Variants in ASNS observed in about 807,000 individuals in gnomAD.
The protein encoded by ASNS is asparagine synthetase [glutamine-hydrolyzing].
ASNS carries 37 observed loss-of-function variants against 62.6 expected under a neutral mutation model. The ratio of observed to expected loss-of-function variants is 0.59; its 90% CI spans 0.45 to 0.78. The LOEUF is 0.78. Ranked by LOEUF, ASNS falls within the 30% of genes least tolerant of loss-of-function variation. The pLI, the probability that ASNS is intolerant of heterozygous loss-of-function variation, is 0.00. For synonymous variants in ASNS, 207 were observed against 237.9 expected, an observed-to-expected ratio of 0.87 and a Z score of 1.19; for missense variants, 520 against 682.4, an observed-to-expected ratio of 0.76 and a Z score of 2.65.
the ASNS span, among the ~76,000 whole-genome samples, chr7:97,896,481 C>A: frequency 2.7e-5 from 4 of 147,496 alleles, no homozygotes; most frequent in East Asian, 8.0e-4. Context: ...GTAGTCCCAG[C>A]AGCTACTCAG....
upstream of ASNS, among the ~76,000 whole-genome samples, chr7:97,876,761 T>C (rs1056415841): frequency 3.9e-5 from 6 of 152,276 alleles, no homozygotes; most frequent in Non-Finnish European, 8.8e-5. Flanking sequence ...GGGCAGTTAC[T>C]ATATTTTGTG....
the ASNS span, among the ~76,000 whole-genome samples, chr7:97,918,253 GC>G: frequency 6.6e-6 from 1 of 152,194 alleles, no homozygotes; most frequent in African/African-American, 2.4e-5. Context: ...CCCTTGGGGA[GC>G]CGGATGACTG....
At chr7:97,890,630 C>T in the ASNS span, among the ~76,000 whole-genome samples, 1 of 152,134 alleles carries the variant, frequency 6.6e-6, no homozygotes, top group Non-Finnish European at 1.5e-5. Flanking sequence ...ATCTGCAATT[C>T]CAGAGACTCA....
intron 6 of ASNS, 67 bp from the exon 7 acceptor site, chr7:97,858,472 G>T: frequency 6.4e-7 from 1 of 1,563,654 alleles, no homozygotes; most frequent in Non-Finnish European, 8.7e-7. Context: ...GACAGAAGAT[G>T]TATATTCCTG....
At chr7:97,867,578 G>C (rs535176580) in intron 3 of ASNS, among the ~76,000 whole-genome samples, 1 of 152,250 alleles carries the variant, frequency 6.6e-6, no homozygotes, top group South Asian at 2.1e-4. Context: ...GGAAAGCCAA[G>C]CTGATAATGC....
chr7:97,905,076 T>C, the ASNS span, among the ~76,000 whole-genome samples: 4 of 152,178 alleles, frequency 2.6e-5, no homozygotes, highest in Non-Finnish European at 5.9e-5. Context: ...ACAGTGGCTC[T>C]TTATAGCTTG....
chr7:97,888,597 T>C, the ASNS span, among the ~76,000 whole-genome samples: 7 of 152,218 alleles, frequency 4.6e-5, no homozygotes, highest in African/African-American at 1.4e-4. Flanking sequence ...TGGAAAAAGT[T>C]TGCCATTCCC....
chr7:97,900,320 C>G, the ASNS span, among the ~76,000 whole-genome samples: 8 of 132,292 alleles, frequency 6.0e-5, no homozygotes, highest in Non-Finnish European at 9.3e-5. Context: ...GAGATTGTGC[C>G]ACTGCACTCC....
At chr7:97,872,052 C>A (rs1282365682) in intron 1 of ASNS, 1 of 152,294 alleles carries the variant, frequency 6.6e-6, no homozygotes, top group African/African-American at 2.4e-5. Flanking sequence ...GGGGCTCAAA[C>A]TGCCGCTGCC....
the ASNS span, among the ~76,000 whole-genome samples, chr7:97,914,332 C>A: frequency 6.6e-6 from 1 of 152,038 alleles, no homozygotes; most frequent in Non-Finnish European, 1.5e-5. Context: ...AGGGGGCTTG[C>A]CTCTGTAATA....
chr7:97,887,530 C>G, the ASNS span, among the ~76,000 whole-genome samples: 3 of 152,136 alleles, frequency 2.0e-5, no homozygotes, highest in African/African-American at 7.2e-5. Flanking sequence ...GAATATTAAT[C>G]TGTATGACCA....
intron 3 of ASNS, among the ~76,000 whole-genome samples, chr7:97,865,307 C>A (rs1791912471): frequency 6.6e-6 from 1 of 152,148 alleles, no homozygotes; most frequent in African/African-American, 2.4e-5. Context: ...TACAATGCTG[C>A]GTTTTGATTA....
At chr7:97,907,886 A>G in the ASNS span, among the ~76,000 whole-genome samples, 1 of 152,232 alleles carries the variant, frequency 6.6e-6, no homozygotes, top group Non-Finnish European at 1.5e-5. Context: ...TAAAATAGGC[A>G]AAAGACACTA....
the ASNS span, among the ~76,000 whole-genome samples, chr7:97,924,226 C>T: frequency 6.6e-6 from 1 of 152,180 alleles, no homozygotes; most frequent in Non-Finnish European, 1.5e-5. Context: ...TCGTAGCTAA[C>T]AGGAATGTGC....
At chr7:97,898,893 C>G in the ASNS span, 1 of 1,269,416 alleles carries the variant, frequency 7.9e-7, no homozygotes, top group Non-Finnish European at 1.1e-6. Context: ...GCAACTTCAT[C>G]ATTCTGCAAG....
chr7:97,919,688 A>G, the ASNS span, among the ~76,000 whole-genome samples: 8 of 152,102 alleles, frequency 5.3e-5, no homozygotes, highest in Non-Finnish European at 7.4e-5. Context: ...GGTCTGAGGG[A>G]TAAGGTGGGG....
chr7:97,887,888 T>C, the ASNS span, among the ~76,000 whole-genome samples: 3 of 152,242 alleles, frequency 2.0e-5, no homozygotes, highest in African/African-American at 7.2e-5. Flanking sequence ...ATAATGAATA[T>C]GACTGTAGAG....
the ASNS span, among the ~76,000 whole-genome samples, chr7:97,921,294 A>G: frequency 6.6e-6 from 1 of 151,966 alleles, no homozygotes; most frequent in Admixed American, 6.6e-5. Flanking sequence ...AAAGATAAGC[A>G]TTTTTTTCCC....
the ASNS span, among the ~76,000 whole-genome samples, chr7:97,880,938 TG>T: frequency 7.9e-6 from 1 of 127,048 alleles, no homozygotes; most frequent in African/African-American, 2.7e-5. Flanking sequence ...TGTGTGTTTT[TG>T]TTTTGTTTTG....
Sources: allele counts gnomAD v4.1 joint callset (sites outside exome capture counted in the v4.1 genomes callset), GRCh38; gene constraint gnomAD v4.1.1; transcripts MANE v1.5; gene names NCBI Gene and HGNC (gene_info 2026-07-23, HGNC 2026-07-21).